Variants in SLCO4A1 observed in about 807,000 individuals in gnomAD.
SLCO4A1 encodes colon organic anion transporter.
In SLCO4A1, 51 loss-of-function variants were observed where a neutral mutation model predicts 64.6. The observed-to-expected ratio is 0.79, with a 90% CI of 0.63 to 1.00. The LOEUF is 1.00. Ranked by LOEUF, SLCO4A1 falls within the 50% of genes least tolerant of loss-of-function variation. The pLI, the probability that SLCO4A1 is intolerant of heterozygous loss-of-function variation, is 0.00. For missense variants in SLCO4A1, 919 were observed against 980.5 expected (o/e 0.94, Z 0.84); for synonymous variants, 471 against 444.9 (o/e 1.06, Z -0.74).
downstream of SLCO4A1, among the ~76,000 whole-genome samples, chr20:62,674,017 A>G (rs1252496213): frequency 6.6e-6 from 1 of 152,202 alleles, no homozygotes; most frequent in African/African-American, 2.4e-5. Flanking sequence ...CGTCTATGGC[A>G]GTGGCTGGCA....
chr20:62,671,207 G>T (rs556273746), intron 11 of SLCO4A1, among the ~76,000 whole-genome samples: 2 of 152,228 alleles, frequency 1.3e-5, no homozygotes, highest in East Asian at 3.9e-4. Context: ...TCCTGTGGCC[G>T]CCACGACAAA....
At chr20:62,677,234 T>C (rs1429806782), downstream of SLCO4A1, among the ~76,000 whole-genome samples, 1 of 152,230 alleles carries the variant, frequency 6.6e-6, no homozygotes, top group Non-Finnish European at 1.5e-5. Context: ...CACAACTCTG[T>C]GAACATGCTT....
At chr20:62,648,104 C>G (rs1044735721) in intron 1 of SLCO4A1, among the ~76,000 whole-genome samples, 1 of 152,266 alleles carries the variant, frequency 6.6e-6, no homozygotes, top group African/African-American at 2.4e-5. Context: ...TATCCCCCGG[C>G]TGATCGCCTT....
chr20:62,673,296 G>C (rs1987414223), downstream of SLCO4A1, among the ~76,000 whole-genome samples: 5 of 143,050 alleles, frequency 3.5e-5, 2 homozygotes, highest in South Asian at 1.1e-3. Context: ...TGGGGAGCCA[G>C]GGAAGTGGAT....
intron 2 of SLCO4A1, among the ~76,000 whole-genome samples, chr20:62,678,530 T>C (rs894379222): frequency 2.1e-5 from 3 of 142,536 alleles, no homozygotes; most frequent in Non-Finnish European, 4.7e-5. Context: ...TACAGCGCTA[T>C]TCTTTTTTTT....
intron 1 of SLCO4A1, chr20:62,649,982 C>T (rs1376006592): frequency 1.3e-5 from 2 of 152,288 alleles, no homozygotes; most frequent in South Asian, 2.1e-4. Flanking sequence ...TCAAGGCTGC[C>T]TGCAGCTCCC....
chr20:62,669,767 G>A (rs866279476), intron 11 of SLCO4A1, among the ~76,000 whole-genome samples: 22 of 152,266 alleles, frequency 1.4e-4, no homozygotes, highest in Middle Eastern at 3.4e-3. Flanking sequence ...GCAGGAACCC[G>A]TGGCCTCAGG....
intron 6 of SLCO4A1, chr20:62,665,438 C>T (rs994630960): frequency 4.7e-6 from 1 of 214,056 alleles, no homozygotes; most frequent in African/African-American, 2.3e-5. Context: ...CCTCCTGGAA[C>T]AGTGCAGCTG....
intron 1 of SLCO4A1, among the ~76,000 whole-genome samples, chr20:62,643,522 C>T (rs1312476915): frequency 6.6e-6 from 1 of 152,252 alleles, no homozygotes; most frequent in Non-Finnish European, 1.5e-5. Context: ...TGCCGTGGGA[C>T]CTGGCTATGC....
In SLCO4A1 at chr20:62,645,781, G is replaced by A. The variant is rs1054509996; in HGVS notation, c.-97+3228G>A. Among the ~76,000 whole-genome samples the A allele has an allele frequency of 4.0e-5, 6 of 151,242 alleles. No individual in the cohort carries two copies. The highest frequency in any genetic ancestry group is 2.1e-4 in the South Asian group (1 of 4,660). On this transcript the variant is annotated intron_variant, in intron 1 of 11. Coordinates refer to ENST00000217159, the MANE Select transcript of SLCO4A1 (RefSeq NM_016354.4). The surrounding 1 kb of genome is among the most constrained non-coding windows in gnomAD (Gnocchi z 4.2). ...GAGCCCAGATTCCTCTCCCTCCCACGCGCAGCCAGGCCCTTCCTGCCCACG... is the reference window on the plus strand; with the variant it reads ...GAGCCCAGATTCCTCTCCCTCCCACACGCAGCCAGGCCCTTCCTGCCCACG...
At chr20:62,662,032 C>A (rs1033033579) in intron 5 of SLCO4A1, among the ~76,000 whole-genome samples, 2 of 152,134 alleles carry the variant, frequency 1.3e-5, no homozygotes, top group African/African-American at 4.8e-5. Flanking sequence ...GCAGCAGGTC[C>A]CTGAGCTCAC....
chr20:62,681,105 T>C (rs747039475), intron 2 of SLCO4A1, among the ~76,000 whole-genome samples: 1 of 152,220 alleles, frequency 6.6e-6, no homozygotes, highest in Admixed American at 6.5e-5. Flanking sequence ...TTGCCCAGGC[T>C]GGTCTGTAAC....
At chr20:62,653,860 G>A (rs535191471) in intron 1 of SLCO4A1, among the ~76,000 whole-genome samples, 1 of 146,428 alleles carries the variant, frequency 6.8e-6, no homozygotes, top group African/African-American at 2.5e-5. Flanking sequence ...TGGACACAGG[G>A]CAGGGAACAT....
At chr20:62,683,122 G>A (rs569844157) in intron 2 of SLCO4A1, among the ~76,000 whole-genome samples, 9 of 152,356 alleles carry the variant, frequency 5.9e-5, no homozygotes, top group East Asian at 1.9e-4. Flanking sequence ...GATTTTAATC[G>A]GCAGCACATT....
intron 1 of SLCO4A1, among the ~76,000 whole-genome samples, chr20:62,648,043 C>T (rs537581607): frequency 4.2e-4 from 64 of 152,358 alleles, no homozygotes; most frequent in African/African-American, 1.4e-3. Flanking sequence ...CGCACACGCA[C>T]GCATACACCC....
downstream of SLCO4A1, among the ~76,000 whole-genome samples, chr20:62,675,362 G>A (rs1273046851): frequency 6.6e-6 from 1 of 152,082 alleles, no homozygotes; most frequent in East Asian, 1.9e-4. Context: ...CGGGCTGCCG[G>A]CCACCCACGC....
At position 62,656,916 on chromosome 20, in the gene SLCO4A1, C is replaced by T; in HGVS notation, c.462C>T (p.Cys154=). The change falls in exon 2 of 12, where the codon TGC becomes TGT. Residue 154 remains cysteine, a synonymous_variant. Coordinates refer to ENST00000217159, the MANE Select transcript of SLCO4A1 (RefSeq NM_016354.4). ...CCAGCTCCTACGACATTGCCGCCTG[C>T]CTCTGCCTCACCTTCGTCAGCTACT... ...LIASSYDIAA[C]LCLTFVSYFG... The T allele has an allele frequency of 1.3e-6, 2 of 1,567,756 alleles. No homozygotes were observed. The highest frequency in any genetic ancestry group is 1.7e-6 in the Non-Finnish European group (2 of 1,151,086).
chr20:62,685,085 A>C lies in SLCO4A1; in HGVS notation n.212-356A>C, dbSNP rs1199151110. On this transcript the variant is annotated intron_variant and non_coding_transcript_variant, in intron 2 of 2. Coordinates refer to the SLCO4A1 transcript ENST00000466818. This position sits in a 1 kb window ranked among gnomAD's most constrained non-coding sequence, Gnocchi z 4.6. The stretch of plus-strand genomic sequence containing the variant: ...GGTGAGGCCACAGTGCATGGAGTGC[A>C]TGGAGGTTGGGGCACGTGTGACCAG... 6.6e-6 allele frequency among the ~76,000 whole-genome samples: 1 copy of C among 152,004 alleles called. No homozygotes were observed. The highest frequency in any genetic ancestry group is 6.6e-5 in the Admixed American group (1 of 15,258).
At chr20:62,676,182 A>G (rs1439083799), downstream of SLCO4A1, among the ~76,000 whole-genome samples, 1 of 152,186 alleles carries the variant, frequency 6.6e-6, no homozygotes, top group African/African-American at 2.4e-5. Context: ...TGGGAGGCTG[A>G]GGCAAGCAGA....
Sources: gnomAD v4.1 joint callset for allele counts (sites outside exome capture counted in the v4.1 genomes callset) on GRCh38, gnomAD v4.1.1 for gene constraint, Gnocchi (gnomAD v3.1) non-coding constraint, MANE v1.5 for transcripts, NCBI Gene and HGNC (gene_info 2026-07-23, HGNC 2026-07-21) for gene names.